The following IARS1 variants were observed in gnomAD, a reference collection of about 807,000 sequenced individuals.
The protein encoded by IARS1 is isoleucine--tRNA ligase, cytoplasmic.
Under a neutral mutation model 168.2 loss-of-function variants are expected in IARS1, and 124 were observed. That is an observed-to-expected ratio of 0.74 (90% confidence interval 0.64 to 0.86). IARS1 has a LOEUF of 0.86. Among genes scored for constraint, IARS1 ranks in the 40% least tolerant of loss-of-function variants. The pLI is 0.00. For missense variants in IARS1, 1,452 were observed against 1,515.8 expected (o/e 0.96, Z 0.70); for synonymous variants, 532 against 529.4 (o/e 1.00, Z -0.07).
rs541496835 is a variant in IARS1 at position 92,268,514 on chromosome 9, C to G, written c.1305-214G>C. Among the ~76,000 whole-genome samples the G allele has an allele frequency of 2.6e-5, 4 of 152,336 alleles. No individual in the cohort carries two copies. The South Asian group carries it at 8.3e-4, about 32-fold the overall frequency. On this transcript the variant is annotated intron_variant, in intron 13 of 33. Coordinates refer to ENST00000443024, the MANE Select transcript of IARS1 (RefSeq NM_002161.6). ...GACCTACATCCAATAGATTACCCCACAGCACACAGGCCTCCCATGTCCTCC... is the reference window on the plus strand; with the variant it reads ...GACCTACATCCAATAGATTACCCCAGAGCACACAGGCCTCCCATGTCCTCC...
At chr9:92,227,383 C>T (rs1411131469) in intron 31 of IARS1, among the ~76,000 whole-genome samples, 7 of 142,154 alleles carry the variant, frequency 4.9e-5, no homozygotes, top group African/African-American at 1.9e-4. Context: ...TAGGGGCGGC[C>T]GGGCAGAGGC....
rs544305727 is a variant in IARS1, at chr9:92,256,790, A to G, written c.2027T>C (p.Ile676Thr). The G allele has an allele frequency of 3.7e-6, 6 of 1,612,852 alleles. No individual in the cohort carries two copies. In the South Asian group the frequency reaches 6.6e-5, roughly 18 times the overall value. ...NVLRLQKEEE[I>T]EFLYNENTVR... The stretch of plus-strand genomic sequence containing the variant: ...CGTGTTCTCATTGTAGAGAAATTCT[A>G]TTTCTTCCTCCTAGGAAGGAACAAT... The change falls in exon 20 of 34, where the codon ATA (isoleucine) becomes ACA (threonine). Residue 676 changes from isoleucine to threonine, a missense_variant. Physicochemically the swap from Ile to Thr is moderately conservative, Grantham distance 89 (BLOSUM62 -1). Transcript: ENST00000443024.
At chr9:92,271,399 T>G (rs961671632) in intron 11 of IARS1, 134 bp downstream of exon 11, 5 of 1,107,350 alleles carry the variant, frequency 4.5e-6, no homozygotes, top group Non-Finnish European at 6.7e-6. Flanking sequence ...TGATAACATC[T>G]GTCTTTACGG....
intron 10 of IARS1, 116 bp from the exon 11 acceptor site, chr9:92,271,771 T>G: frequency 8.5e-7 from 1 of 1,182,568 alleles, no homozygotes; most frequent in South Asian, 1.4e-5. Context: ...TTCATCAACT[T>G]TGTCCTGTAA....
Position 92,259,001 on chromosome 9 carries a change from G to A in IARS1, c.1872-3C>T, listed in dbSNP as rs1414231459. 1 of 1,591,750 alleles carries A rather than the reference G, an allele frequency of 6.3e-7. No homozygotes were observed. The highest frequency in any genetic ancestry group is 1.9e-5 in the Admixed American group (1 of 53,766). ...CAGGGGAGTTAATCAGATATAATCT[G>A]GAAGAGGGAGAAAAATTAGACAGAA... is the stretch of plus-strand genomic sequence containing the variant. On this transcript the variant is annotated splice_region_variant and splice_polypyrimidine_tract_variant and intron_variant, in intron 18 of 33. Coordinates refer to ENST00000443024, the MANE Select transcript of IARS1 (RefSeq NM_002161.6).
At position 92,210,740 on chromosome 9, in the gene IARS1, T is replaced by G; in HGVS notation, c.*67A>C. 2 of 874,882 alleles carry G rather than the reference T, an allele frequency of 2.3e-6. No homozygotes were observed. The highest frequency in any genetic ancestry group is 2.2e-4 in the Middle Eastern group (1 of 4,552). The allele number at this position is 874,882 out of a possible 1,614,324, so 54.2% of individuals were successfully genotyped here. A position where few individuals can be genotyped will look rare whatever the true frequency, so the allele number is the denominator to read the frequency against. ...CAGTGTGTTCATGTGTGTGTCTATG[T>G]GCATGTATGTGTAGGGGATAGGTGT... is the stretch of plus-strand genomic sequence containing the variant. On this transcript the variant is annotated 3_prime_UTR_variant, in exon 34 of 34. Coordinates refer to ENST00000443024, the MANE Select transcript of IARS1 (RefSeq NM_002161.6).
Position 92,265,493 on chromosome 9 carries a change from G to C in IARS1, c.1492C>G (p.Leu498Val), listed in dbSNP as rs188980731. The change falls in exon 15 of 34, where the codon CTC (leucine) becomes GTC (valine). Residue 498 changes from leucine to valine, a missense_variant. By Grantham distance (32) the Leu-to-Val change is conservative (BLOSUM62 1). Coordinates refer to ENST00000443024, the MANE Select transcript of IARS1 (RefSeq NM_002161.6). ...TTAGAAACTGACCTCTCTCTGTGGA[G>C]ATCTGAGATCTTTGCTCCTGACAGT... Reference protein sequence around the residue: ...EELSGAKISDLHRESVDHLTI... With the variant: ...EELSGAKISDVHRESVDHLTI... 4.6e-5 allele frequency: 74 copies of C among 1,613,710 alleles called. No individual in the cohort carries two copies. In the East Asian group the frequency reaches 1.5e-3, roughly 34 times the overall value.
At chr9:92,264,388 G>C (rs1403709254) in intron 16 of IARS1, among the ~76,000 whole-genome samples, 1 of 151,228 alleles carries the variant, frequency 6.6e-6, no homozygotes, top group African/African-American at 2.4e-5. Context: ...CCAATCCATG[G>C]AAAGAAAGTA....
Position 92,288,146 on chromosome 9 carries a change from C to A in IARS1, c.256G>T (p.Asp86Tyr). The change falls in exon 3 of 34, where the codon GAT becomes TAT. Residue 86 changes from aspartate (D) to tyrosine (Y), a missense_variant. Asp to Tyr is a radical substitution (Grantham distance 160). Transcript: ENST00000443024. Reference protein sequence around the residue: ...GFHVDRRFGWDCHGLPVEYEI... With the variant: ...GFHVDRRFGWYCHGLPVEYEI... The stretch of plus-strand genomic sequence containing the variant: ...CATACCACAGGTAAGCCATGGCAAT[C>A]CCATCCAAATCTTCTGTCAACATGA... 1.2e-6 allele frequency: 2 copies of A among 1,613,940 alleles called. No individual in the cohort carries two copies. Among genetic ancestry groups the A allele is most frequent in the Non-Finnish European group, 1.7e-6 (2 of 1,179,914 alleles).
intron 33 of IARS1, among the ~76,000 whole-genome samples, chr9:92,212,193 A>G (rs1243364094): frequency 6.6e-6 from 1 of 152,204 alleles, no homozygotes. Context: ...GCAAGCAAGA[A>G]GACATCTAAG....
intron 27 of IARS1, among the ~76,000 whole-genome samples, chr9:92,244,081 C>T (rs1011753079): frequency 6.6e-6 from 1 of 152,148 alleles, no homozygotes; most frequent in Admixed American, 6.6e-5. Flanking sequence ...AAATTCCAGT[C>T]AGTGCAGGGC....
At chr9:92,222,818 C>G (rs561003552) in intron 32 of IARS1, 146 bp from the exon 33 acceptor site, 3 of 635,970 alleles carry the variant, frequency 4.7e-6, no homozygotes, top group Non-Finnish European at 7.8e-6. Context: ...AAGATGCAGT[C>G]CATGCAGAAA....
chr9:92,260,358 G>T, intron 17 of IARS1, 124 bp from the exon 18 acceptor site: 2 of 747,684 alleles, frequency 2.7e-6, no homozygotes, highest in East Asian at 2.6e-5. Context: ...AACTTAGATA[G>T]AAGTTAGTGC....
intron 33 of IARS1, among the ~76,000 whole-genome samples, chr9:92,213,921 C>T (rs1838186798): frequency 6.6e-6 from 1 of 152,026 alleles, no homozygotes; most frequent in Admixed American, 6.5e-5. Flanking sequence ...AAGAGATTCT[C>T]CTGCCTCAGC....
Position 92,242,215 on chromosome 9 carries a change from G to A in IARS1, c.3116C>T (p.Ala1039Val). The A allele has an allele frequency of 2.5e-6, 4 of 1,614,052 alleles. No individual in the cohort carries two copies. Among genetic ancestry groups the A allele is most frequent in the Non-Finnish European group, 3.4e-6 (4 of 1,179,912 alleles). ...HTEFIFTTIKAPLKPYPVSPS... is the reference protein window; with the variant it reads ...HTEFIFTTIKVPLKPYPVSPS... Reference sequence around the variant, plus strand: ...AGAAACTGGATATGGTTTCAAGGGAGCCTTTATGGTGGTAAATATGAACTC... The same window carrying A: ...AGAAACTGGATATGGTTTCAAGGGAACCTTTATGGTGGTAAATATGAACTC... The change falls in exon 29 of 34, where the codon GCT becomes GTT. Residue 1039 changes from alanine (A) to valine (V), a missense_variant. Ala to Val is a moderately conservative substitution (Grantham distance 64). Coordinates refer to ENST00000443024, the MANE Select transcript of IARS1 (RefSeq NM_002161.6).
intron 9 of IARS1, among the ~76,000 whole-genome samples, 168 bp downstream of exon 9, chr9:92,277,695 T>C: frequency 6.6e-6 from 1 of 151,022 alleles, no homozygotes; most frequent in South Asian, 2.1e-4. Flanking sequence ...AAAAAAATCC[T>C]CTAAGACAAG....
intron 19 of IARS1, 123 bp downstream of exon 19, chr9:92,258,731 C>G: frequency 9.9e-7 from 1 of 1,014,090 alleles, no homozygotes; most frequent in Non-Finnish European, 1.4e-6. Context: ...TCTAAGTTAC[C>G]CCAGCATCAG....
Position 92,277,893 on chromosome 9 carries a change from C to T in IARS1, c.864G>A (p.Lys288=). Residue 288 remains lysine (K), a synonymous_variant, in exon 9 of 34, where the codon AAG becomes AAA. Coordinates refer to ENST00000443024, the MANE Select transcript of IARS1 (RefSeq NM_002161.6). ...GGAAATAGTCAAACAGGGGCCTGTA[C>T]TTCTTGCCTTTAAGATAGGCACCAG... The part of the protein sequence containing the change: ...RFPGAYLKGK[K]YRPLFDYFLK... 3.7e-6 allele frequency: 6 copies of T among 1,613,876 alleles called. No homozygotes were observed. Among genetic ancestry groups the T allele is most frequent in the Non-Finnish European group, 4.2e-6 (5 of 1,179,898 alleles).
chr9:92,271,635 C>T lies in IARS1; in HGVS notation c.1011G>A (p.Met337Ile), dbSNP rs1164347270. 1.2e-6 allele frequency: 2 copies of T among 1,613,876 alleles called. No homozygotes were observed. The highest frequency in any genetic ancestry group is 1.3e-5 in the African/African-American group (1 of 74,870). ...YFGAEDYRVCMDFNIIRKDSL... is the reference protein window; with the variant it reads ...YFGAEDYRVCIDFNIIRKDSL... The stretch of plus-strand genomic sequence containing the variant: ...AGTCTTTCCGAATAATGTTAAAGTC[C>T]ATACAGACCCGATAGTCCTCCTGAG... Residue 337 changes from methionine to isoleucine, a missense_variant, in exon 11 of 34, where the codon ATG becomes ATA. By Grantham distance (10) the Met-to-Ile change is conservative. Coordinates refer to ENST00000443024, the MANE Select transcript of IARS1 (RefSeq NM_002161.6).
Sources: gnomAD v4.1 joint callset for allele counts (sites outside exome capture counted in the v4.1 genomes callset) on GRCh38, gnomAD v4.1.1 for gene constraint, MANE v1.5 for transcripts, NCBI Gene and HGNC (gene_info 2026-07-23, HGNC 2026-07-21) for gene names.